Variants in GRIN2A observed in about 807,000 individuals in gnomAD.
GRIN2A encodes glutamate receptor ionotropic, NMDA 2A.
GRIN2A carries 22 observed loss-of-function variants against 113.4 expected under a neutral mutation model. The observed-to-expected ratio is 0.19, with a 90% CI of 0.14 to 0.28. The LOEUF (loss-of-function observed/expected upper bound fraction) is 0.28, where lower values mean the gene tolerates loss of function less well. Among genes scored for constraint, GRIN2A ranks in the 10% least tolerant of loss-of-function variants. GRIN2A has a pLI of 1.00. For synonymous variants in GRIN2A, 827 were observed against 738.4 expected (o/e 1.12, Z -1.94); for missense variants, 1,502 against 1,887.0 (o/e 0.80, Z 3.78).
At chr16:10,116,688 G>C (rs767375685) in intron 2 of GRIN2A, among the ~76,000 whole-genome samples, 3 of 152,092 alleles carry the variant, frequency 2.0e-5, no homozygotes, top group Non-Finnish European at 4.4e-5. Context: ...TCATGGGAAG[G>C]TTACTTCTGG....
chr16:10,041,091 C>T (rs887715313), intron 2 of GRIN2A, among the ~76,000 whole-genome samples: 3 of 152,216 alleles, frequency 2.0e-5, no homozygotes, highest in African/African-American at 7.2e-5. Flanking sequence ...TGTTAATCAG[C>T]AGCAATTAAT....
chr16:9,925,347 G>A (rs904900108), intron 3 of GRIN2A, among the ~76,000 whole-genome samples: 2 of 152,140 alleles, frequency 1.3e-5, no homozygotes, highest in African/African-American at 2.4e-5. Flanking sequence ...GTGAGTCCTG[G>A]GCTCTGTTAT....
intron 2 of GRIN2A, among the ~76,000 whole-genome samples, chr16:10,082,918 A>G (rs1442609436): frequency 1.4e-5 from 2 of 143,454 alleles, no homozygotes; most frequent in Non-Finnish European, 3.0e-5. Flanking sequence ...TCAAAACCTA[A>G]CTGGCCCATT....
At chr16:10,100,481 A>G (rs1248444645) in intron 2 of GRIN2A, among the ~76,000 whole-genome samples, 1 of 152,154 alleles carries the variant, frequency 6.6e-6, no homozygotes, top group Non-Finnish European at 1.5e-5. Context: ...CTGCACCTCC[A>G]TTTCCTCATC....
At chr16:10,119,877 C>T (rs1031381461) in intron 2 of GRIN2A, among the ~76,000 whole-genome samples, 18 of 152,104 alleles carry the variant, frequency 1.2e-4, no homozygotes, top group African/African-American at 4.3e-4. Flanking sequence ...GGATAATGGC[C>T]TCTGGCTCCA....
At chr16:9,991,066 CAAAAAAAGAA>C (rs1021432569) in intron 2 of GRIN2A, among the ~76,000 whole-genome samples, 1 of 144,260 alleles carries the variant, frequency 6.9e-6, no homozygotes, top group Non-Finnish European at 1.5e-5. Flanking sequence ...GACTCTGTCT[CAAAAAAAGAA>C]AAAAAAAGAA....
intron 2 of GRIN2A, among the ~76,000 whole-genome samples, chr16:10,090,056 GC>G (rs2048158155): frequency 6.6e-6 from 1 of 152,096 alleles, no homozygotes; most frequent in East Asian, 1.9e-4. Context: ...TTATTTTACA[GC>G]TTTTTTAGTA....
At chr16:10,111,359 G>T in intron 2 of GRIN2A, 2 of 426,506 alleles carry the variant, frequency 4.7e-6, no homozygotes, top group Admixed American at 7.1e-5. Context: ...GGTGTTTGTC[G>T]CTTCGCGGGG....
At chr16:10,029,194 CT>C (rs898532047) in intron 2 of GRIN2A, among the ~76,000 whole-genome samples, 102 of 147,330 alleles carry the variant, frequency 6.9e-4, no homozygotes, top group Middle Eastern at 3.5e-3. Context: ...ATTGCACACA[CT>C]TTTTTTTTTT....
At chr16:10,138,522 C>T (rs570469480) in intron 2 of GRIN2A, among the ~76,000 whole-genome samples, 3 of 152,212 alleles carry the variant, frequency 2.0e-5, no homozygotes, top group East Asian at 1.9e-4. Flanking sequence ...CTTACTATCA[C>T]GAGAACAGCA....
At chr16:9,923,248 T>C (rs1460065573) in intron 3 of GRIN2A, among the ~76,000 whole-genome samples, 1 of 152,200 alleles carries the variant, frequency 6.6e-6, no homozygotes, top group Non-Finnish European at 1.5e-5. Context: ...ATCTACTTAG[T>C]GTCTTATTAA....
At chr16:10,142,612 T>C (rs1465712156) in intron 2 of GRIN2A, among the ~76,000 whole-genome samples, 2 of 152,134 alleles carry the variant, frequency 1.3e-5, no homozygotes, top group Admixed American at 6.5e-5. Flanking sequence ...AGAGGGAAGA[T>C]TGCTTGAGCC....
At chr16:10,030,630 G>C (rs1401418235) in intron 2 of GRIN2A, among the ~76,000 whole-genome samples, 1 of 152,192 alleles carries the variant, frequency 6.6e-6, no homozygotes, top group Non-Finnish European at 1.5e-5. Context: ...TTAAGCTCAA[G>C]ACTTTTTATT....
chr16:9,884,923 G>C (rs1319244182), intron 4 of GRIN2A, among the ~76,000 whole-genome samples: 1 of 151,128 alleles, frequency 6.6e-6, no homozygotes, highest in Non-Finnish European at 1.5e-5. Flanking sequence ...ATTTTTAGTA[G>C]AGACGGGGTT....
At chr16:9,847,708 T>A (rs2141363252) in intron 5 of GRIN2A, among the ~76,000 whole-genome samples, 1 of 148,724 alleles carries the variant, frequency 6.7e-6, no homozygotes, top group South Asian at 2.1e-4. Context: ...CAAAAATATG[T>A]AATGTTTTAT....
At chr16:9,978,311 C>G (rs2045816974) in intron 2 of GRIN2A, among the ~76,000 whole-genome samples, 1 of 152,080 alleles carries the variant, frequency 6.6e-6, no homozygotes, top group Non-Finnish European at 1.5e-5. Context: ...CAGCCTCTTC[C>G]TATCTGTGTG....
Position 9,757,082 on chromosome 16 carries a change from T to C in GRIN2A, c.*6067A>G, listed in dbSNP as rs1281557624. The stretch of plus-strand genomic sequence containing the variant: ...AATGCTTCGTCTTTTTACATCATGG[T>C]CTATTTTCTAATCCTTTGGGGAATT... On this transcript the variant is annotated 3_prime_UTR_variant, in exon 13 of 13. Coordinates refer to ENST00000330684, the MANE Select transcript of GRIN2A (RefSeq NM_001134407.3). 4.8e-6 allele frequency: 1 copy of C among 209,064 alleles called. No homozygotes were observed. The highest frequency in any genetic ancestry group is 5.9e-5 in the Admixed American group (1 of 16,924). The allele number at this position is 209,064 out of a possible 1,614,324, so 13.0% of individuals were successfully genotyped here. A position where few individuals can be genotyped will look rare whatever the true frequency, so the allele number is the denominator to read the frequency against.
At chr16:10,060,509 T>A (rs1445705766) in intron 2 of GRIN2A, among the ~76,000 whole-genome samples, 2 of 152,202 alleles carry the variant, frequency 1.3e-5, no homozygotes, top group African/African-American at 4.8e-5. Flanking sequence ...TTATAGTCTT[T>A]CCTCTGATAT....
At chr16:9,970,189 C>T (rs1002495640) in intron 2 of GRIN2A, among the ~76,000 whole-genome samples, 1 of 152,190 alleles carries the variant, frequency 6.6e-6, no homozygotes, top group Non-Finnish European at 1.5e-5. Context: ...CCTGCTAGGC[C>T]TCCAGGTGAA....
Sources: gnomAD v4.1 joint callset for allele counts (sites outside exome capture counted in the v4.1 genomes callset) on GRCh38, gnomAD v4.1.1 for gene constraint, MANE v1.5 for transcripts, NCBI Gene and HGNC (gene_info 2026-07-23, HGNC 2026-07-21) for gene names.